ITGB6: variants seen among roughly 807,000 people sequenced by gnomAD.
The protein encoded by ITGB6 is integrin subunit beta 6.
A neutral mutation model predicts 84.5 loss-of-function variants in ITGB6; 80 were observed. The ratio of observed to expected loss-of-function variants is 0.95; its 90% CI spans 0.79 to 1.14. ITGB6 has a LOEUF of 1.14. Ranked by LOEUF, ITGB6 falls within the 50% of genes most tolerant of loss-of-function variation. The probability of loss-of-function intolerance (pLI) is 0.00; values close to 1 mark genes in which losing one functional copy is unlikely to be tolerated. For synonymous variants in ITGB6, 383 were observed against 354.9 expected (o/e 1.08, Z -0.89); for missense variants, 1,006 against 968.0 (o/e 1.04, Z -0.52).
At position 160,133,702 on chromosome 2, in the gene ITGB6, T is replaced by A. The variant is rs146418007; in HGVS notation, c.1660+3732A>T. On this transcript the variant is annotated intron_variant, in intron 10 of 14. Coordinates refer to ENST00000283249, the MANE Select transcript of ITGB6 (RefSeq NM_000888.5). The stretch of plus-strand genomic sequence containing the variant: ...TAAAAGAACAGAAATTATAACAAAC[T>A]GTCTCTCAGACCACAGTGCAATCAA... Among the ~76,000 whole-genome samples the A allele has an allele frequency of 6.7e-3, 1,017 of 152,260 alleles. 13 individuals are homozygous for A. Among genetic ancestry groups the A allele is most frequent in the African/African-American group, 0.023 (947 of 41,554 alleles).
intron 8 of ITGB6, among the ~76,000 whole-genome samples, chr2:160,139,117 T>G (rs1282377725): frequency 6.6e-6 from 1 of 152,194 alleles, no homozygotes; most frequent in Non-Finnish European, 1.5e-5. Flanking sequence ...AGTTTATCAT[T>G]TTGCTTTCTC....
chr2:160,158,868 A>AG (rs1250821981), intron 7 of ITGB6, among the ~76,000 whole-genome samples: 1 of 152,158 alleles, frequency 6.6e-6, no homozygotes, highest in Non-Finnish European at 1.5e-5. Context: ...TGGGAGGCTG[A>AG]GGGGGGTGGA....
chr2:160,112,813 C>T (rs1279365378), intron 12 of ITGB6, among the ~76,000 whole-genome samples: 1 of 149,834 alleles, frequency 6.7e-6, no homozygotes, highest in African/African-American at 2.5e-5. Context: ...AAAAAAAAAT[C>T]CAGTTTACCT....
intron 4 of ITGB6, among the ~76,000 whole-genome samples, chr2:160,182,626 TC>T (rs769573604): frequency 6.6e-6 from 1 of 152,022 alleles, no homozygotes; most frequent in Non-Finnish European, 1.5e-5. Flanking sequence ...ACATTCAAAT[TC>T]AGGAAATACA....
At chr2:160,190,760 G>T (rs559592288) in intron 4 of ITGB6, among the ~76,000 whole-genome samples, 1 of 152,308 alleles carries the variant, frequency 6.6e-6, no homozygotes, top group East Asian at 1.9e-4. Context: ...GGGTCTCATT[G>T]TTAGTTCAAG....
At chr2:160,116,365 C>A (rs1403512480) in intron 12 of ITGB6, among the ~76,000 whole-genome samples, 1 of 149,962 alleles carries the variant, frequency 6.7e-6, no homozygotes, top group African/African-American at 2.4e-5. Context: ...ATTGAACATT[C>A]TTAAAGAAAA....
At chr2:160,147,857 C>T (rs905705084) in intron 7 of ITGB6, among the ~76,000 whole-genome samples, 18 of 152,064 alleles carry the variant, frequency 1.2e-4, no homozygotes, top group African/African-American at 4.1e-4. Context: ...AAATGCAAAA[C>T]CATAAAACTC....
intron 10 of ITGB6, among the ~76,000 whole-genome samples, chr2:160,134,657 T>A (rs1382036562): frequency 6.6e-6 from 1 of 152,196 alleles, no homozygotes; most frequent in Non-Finnish European, 1.5e-5. Context: ...AAATCCTCAA[T>A]AAAATACTGG....
intron 2 of ITGB6, among the ~76,000 whole-genome samples, chr2:160,198,816 T>G (rs984349722): frequency 6.6e-6 from 1 of 152,220 alleles, no homozygotes; most frequent in African/African-American, 2.4e-5. Flanking sequence ...GAACATCAAA[T>G]GTATGTTTAA....
At chr2:160,125,044 T>C (rs1683183225) in intron 11 of ITGB6, among the ~76,000 whole-genome samples, 1 of 152,204 alleles carries the variant, frequency 6.6e-6, no homozygotes, top group Admixed American at 6.5e-5. Flanking sequence ...CCTTATCCCC[T>C]GCTGTAGAGT....
chr2:160,118,865 C>A (rs1244699577), intron 12 of ITGB6, among the ~76,000 whole-genome samples: 1 of 152,134 alleles, frequency 6.6e-6, no homozygotes, highest in Admixed American at 6.6e-5. Flanking sequence ...TTCTTATACA[C>A]CAATAATAGA....
chr2:160,163,056 G>A (rs1684877804), intron 7 of ITGB6, among the ~76,000 whole-genome samples: 1 of 152,138 alleles, frequency 6.6e-6, no homozygotes, highest in African/African-American at 2.4e-5. Flanking sequence ...ATAGACAGTA[G>A]CTGTTTTAGA....
At chr2:160,182,837 T>C (rs1229685124) in intron 4 of ITGB6, among the ~76,000 whole-genome samples, 1 of 152,190 alleles carries the variant, frequency 6.6e-6, no homozygotes, top group Non-Finnish European at 1.5e-5. Flanking sequence ...GGGCCAATAT[T>C]CAACATTCTT....
intron 7 of ITGB6, among the ~76,000 whole-genome samples, chr2:160,147,651 G>T (rs1684250257): frequency 6.6e-6 from 1 of 152,120 alleles, no homozygotes; most frequent in Admixed American, 6.5e-5. Flanking sequence ...TAACAGAATA[G>T]AGAGCCCAGA....
intron 14 of ITGB6, among the ~76,000 whole-genome samples, chr2:160,106,981 T>G (rs1216791343): frequency 6.6e-6 from 1 of 152,202 alleles, no homozygotes; most frequent in Non-Finnish European, 1.5e-5. Context: ...TGGAATTGTT[T>G]CTATGGGTCT....
chr2:160,171,834 G>A (rs1186504707), intron 6 of ITGB6, among the ~76,000 whole-genome samples: 2 of 152,202 alleles, frequency 1.3e-5, no homozygotes, highest in African/African-American at 4.8e-5. Flanking sequence ...GAGCCTGGCA[G>A]AGGTCAAAGA....
intron 14 of ITGB6, among the ~76,000 whole-genome samples, chr2:160,103,359 C>G (rs1199702261): frequency 6.6e-6 from 1 of 152,174 alleles, no homozygotes; most frequent in African/African-American, 2.4e-5. Context: ...GTGGCCTGAC[C>G]TCTGACTAAG....
intron 4 of ITGB6, among the ~76,000 whole-genome samples, chr2:160,180,328 A>G (rs1273472393): frequency 2.6e-5 from 4 of 152,194 alleles, no homozygotes; most frequent in Admixed American, 2.6e-4. Context: ...TTCTTTTTAT[A>G]GAGCCTTGGA....
intron 7 of ITGB6, among the ~76,000 whole-genome samples, chr2:160,168,239 C>T (rs953986176): frequency 1.3e-5 from 2 of 152,164 alleles, no homozygotes; most frequent in African/African-American, 2.4e-5. Context: ...TTCTACAGAA[C>T]CTGATGCAAG....
Sources: gnomAD v4.1 joint callset for allele counts (sites outside exome capture counted in the v4.1 genomes callset) on GRCh38, gnomAD v4.1.1 for gene constraint, MANE v1.5 for transcripts, NCBI Gene and HGNC (gene_info 2026-07-23, HGNC 2026-07-21) for gene names.